Variants in STAG1 observed in about 807,000 individuals in gnomAD.
STAG1 encodes cohesin subunit SA-1.
Under a neutral mutation model 170.9 loss-of-function variants are expected in STAG1, and 26 were observed. The observed-to-expected ratio is 0.15, with a 90% confidence interval of 0.11 to 0.21. The LOEUF (loss-of-function observed/expected upper bound fraction) is 0.21, where lower values mean the gene tolerates loss of function less well. Among genes scored for constraint, STAG1 ranks in the 10% least tolerant of loss-of-function variants. The probability of loss-of-function intolerance (pLI) is 1.00; values close to 1 mark genes in which losing one functional copy is unlikely to be tolerated. For missense variants in STAG1, 964 were observed against 1,509.5 expected, an observed-to-expected ratio of 0.64 and a Z score of 5.99; for synonymous variants, 514 against 497.7, an observed-to-expected ratio of 1.03 and a Z score of -0.44.
At chr3:136,485,650 T>C (rs143592211) in intron 9 of STAG1, among the ~76,000 whole-genome samples, 1 of 152,270 alleles carries the variant, frequency 6.6e-6, no homozygotes, top group African/African-American at 2.4e-5. Flanking sequence ...CAGTTAAAAA[T>C]TCCTATATAC....
chr3:136,744,650 T>C (rs1934844276), intron 1 of STAG1, among the ~76,000 whole-genome samples: 1 of 151,620 alleles, frequency 6.6e-6, no homozygotes, highest in Admixed American at 6.6e-5. Context: ...AGTCGTGACA[T>C]TTCTTAGGTA....
intron 1 of STAG1, among the ~76,000 whole-genome samples, chr3:136,655,094 G>A (rs564534205): frequency 3.3e-5 from 5 of 152,258 alleles, no homozygotes; most frequent in Admixed American, 3.3e-4. Flanking sequence ...TGATTTCTCA[G>A]AACAACATCG....
At chr3:136,616,169 T>C (rs1316091719) in intron 3 of STAG1, among the ~76,000 whole-genome samples, 1 of 151,274 alleles carries the variant, frequency 6.6e-6, no homozygotes, top group Non-Finnish European at 1.5e-5. Context: ...CTCGGGAGGC[T>C]GAGGCAGGAG....
chr3:136,733,231 C>G (rs532698187), intron 1 of STAG1, among the ~76,000 whole-genome samples: 1 of 151,856 alleles, frequency 6.6e-6, no homozygotes, highest in East Asian at 1.9e-4. Context: ...ACTACAGATG[C>G]GAGCCACCAT....
At chr3:136,364,533 T>C (rs1937001027) in intron 25 of STAG1, among the ~76,000 whole-genome samples, 1 of 152,062 alleles carries the variant, frequency 6.6e-6, no homozygotes, top group African/African-American at 2.4e-5. Flanking sequence ...GAAGGGGGGA[T>C]TAGGGTAACA....
intron 4 of STAG1, 39 bp from the exon 5 acceptor site, chr3:136,568,900 AT>A: frequency 6.9e-7 from 1 of 1,442,654 alleles, no homozygotes; most frequent in Non-Finnish European, 9.6e-7. Flanking sequence ...CTTCAAAAAA[AT>A]TTGATATTAT....
At chr3:136,415,220 C>T (rs576219436) in intron 21 of STAG1, among the ~76,000 whole-genome samples, 34 of 151,706 alleles carry the variant, frequency 2.2e-4, no homozygotes, top group South Asian at 1.3e-3. Context: ...AAAAAAACCA[C>T]GCAATAAAGC....
chr3:136,670,479 G>C (rs967414681), intron 1 of STAG1, among the ~76,000 whole-genome samples: 2 of 151,962 alleles, frequency 1.3e-5, no homozygotes, highest in Non-Finnish European at 2.9e-5. Flanking sequence ...ACCTTTTTTG[G>C]GGGGTGGGTG....
chr3:136,594,474 T>C (rs1257366957), intron 4 of STAG1, among the ~76,000 whole-genome samples: 1 of 152,114 alleles, frequency 6.6e-6, no homozygotes, highest in East Asian at 1.9e-4. Context: ...TCAAAGTCAG[T>C]TGTCAAAAGC....
At chr3:136,747,144 G>T (rs111986204) in intron 1 of STAG1, among the ~76,000 whole-genome samples, 10 of 145,374 alleles carry the variant, frequency 6.9e-5, no homozygotes, top group African/African-American at 1.6e-4. Flanking sequence ...ATGGTGGTGC[G>T]TGCCTGCATT....
At chr3:136,521,134 C>A (rs1934650211) in intron 7 of STAG1, 79 bp downstream of exon 7, 1 of 1,144,306 alleles carries the variant, frequency 8.7e-7, no homozygotes, top group Non-Finnish European at 1.2e-6. Context: ...TTAATTAAAT[C>A]TTCTCATTAA....
intron 22 of STAG1, among the ~76,000 whole-genome samples, chr3:136,391,861 C>T (rs2087019707): frequency 6.6e-6 from 1 of 152,182 alleles, no homozygotes; most frequent in Non-Finnish European, 1.5e-5. Flanking sequence ...CCAGAGCTTC[C>T]AACTCTGGGA....
chr3:136,378,309 G>A (rs921668662), intron 22 of STAG1, among the ~76,000 whole-genome samples: 1 of 152,212 alleles, frequency 6.6e-6, no homozygotes, highest in Non-Finnish European at 1.5e-5. Context: ...ATCTTCATAG[G>A]AGGATGGGCT....
chr3:136,713,620 A>C (rs1015954296), intron 1 of STAG1, among the ~76,000 whole-genome samples: 44 of 151,846 alleles, frequency 2.9e-4, no homozygotes, highest in African/African-American at 1.0e-3. Context: ...AAGCACGGTA[A>C]CTAGCATTTG....
chr3:136,551,198 TGAGAGAGAGTGAGAGAGAGAGAGA>T (rs1936368231), intron 5 of STAG1, among the ~76,000 whole-genome samples: 1 of 43,156 alleles, frequency 2.3e-5, no homozygotes, highest in African/African-American at 1.2e-4. Flanking sequence ...AGAGAGAGGT[TGAGAGAGAGTGAGAGAGAGAGAGA>T]GAGAGAGAGA....
chr3:136,387,292 T>C (rs1002212240), intron 22 of STAG1, among the ~76,000 whole-genome samples: 1 of 152,190 alleles, frequency 6.6e-6, no homozygotes, highest in African/African-American at 2.4e-5. Flanking sequence ...CAATAAAACA[T>C]CATTTACAAA....
chr3:136,744,885 A>C (rs1054704123), intron 1 of STAG1, among the ~76,000 whole-genome samples: 4 of 152,132 alleles, frequency 2.6e-5, no homozygotes, highest in African/African-American at 7.2e-5. Flanking sequence ...CATGTTGGCC[A>C]CACTGGTCTC....
chr3:136,634,165 A>T lies in STAG1; in HGVS notation c.-83-3184T>A, dbSNP rs150925469. On this transcript the variant is annotated intron_variant, in intron 1 of 33. Transcript: ENST00000383202. ...CAAAAAATAATAAATAAATAAACATAAAAAAAATTTTAAAAAGGCAAAAAC... is the reference window on the plus strand; with the variant it reads ...CAAAAAATAATAAATAAATAAACATTAAAAAAATTTTAAAAAGGCAAAAAC... 6.4e-3 allele frequency among the ~76,000 whole-genome samples: 964 copies of T among 151,420 alleles called. 13 individuals carry two copies. The highest frequency in any genetic ancestry group is 0.021 in the African/African-American group (866 of 41,360).
chr3:136,576,440 A>G (rs1042910639), intron 4 of STAG1, among the ~76,000 whole-genome samples: 22 of 152,218 alleles, frequency 1.4e-4, no homozygotes, highest in African/African-American at 5.1e-4. Flanking sequence ...TGAGAAAGCT[A>G]TAACAAGCAG....
Sources: gnomAD v4.1 joint callset for allele counts (sites outside exome capture counted in the v4.1 genomes callset) on GRCh38, gnomAD v4.1.1 for gene constraint, MANE v1.5 for transcripts, NCBI Gene and HGNC (gene_info 2026-07-23, HGNC 2026-07-21) for gene names.